The following RMND5A variants were observed in gnomAD, a reference collection of about 807,000 sequenced individuals.
The protein encoded by RMND5A is required for meiotic nuclear division 5 homolog A.
RMND5A carries 17 observed loss-of-function variants against 49.7 expected under a neutral mutation model. The ratio of observed to expected loss-of-function variants is 0.34; its 90% confidence interval spans 0.23 to 0.51. RMND5A has a LOEUF of 0.51. Among genes scored for constraint, RMND5A ranks in the 20% least tolerant of loss-of-function variants. The pLI is 0.96. For synonymous variants in RMND5A, 156 were observed against 167.7 expected, an observed-to-expected ratio of 0.93 and a Z score of 0.54; for missense variants, 255 against 471.3, an observed-to-expected ratio of 0.54 and a Z score of 4.25.
intron 2 of RMND5A, among the ~76,000 whole-genome samples, chr2:86,741,554 ATGAG>A (rs1681448372): frequency 1.3e-5 from 1 of 74,234 alleles, no homozygotes; most frequent in Admixed American, 1.4e-4. Context: ...TTCTGTGTGA[ATGAG>A]TGAGTGAGTT....
At chr2:86,750,967 C>T (rs1375187483) in intron 2 of RMND5A, among the ~76,000 whole-genome samples, 2 of 151,808 alleles carry the variant, frequency 1.3e-5, no homozygotes, top group Non-Finnish European at 2.9e-5. Context: ...TAATAACTGC[C>T]CTAAAGTTTT....
chr2:86,746,227 C>T (rs1432011614), intron 2 of RMND5A, among the ~76,000 whole-genome samples: 3 of 152,194 alleles, frequency 2.0e-5, no homozygotes, highest in African/African-American at 7.2e-5. Flanking sequence ...CTAATCCAGT[C>T]TGCAATTGCA....
chr2:86,720,540 C>T lies in RMND5A; in HGVS notation c.-128C>T. On this transcript the variant is annotated 5_prime_UTR_variant, in exon 1 of 9. Coordinates refer to ENST00000283632, the MANE Select transcript of RMND5A (RefSeq NM_022780.4). ...GGCGCCGCGGCTAGTGCGCCCGCCG[C>T]CTCGGCCGCCTCAGCCTCCCGCGCC... is the stretch of plus-strand genomic sequence containing the variant. The T allele has an allele frequency of 4.5e-6, 3 of 664,698 alleles. No individual in the cohort carries two copies. The highest frequency in any genetic ancestry group is 6.1e-6 in the Non-Finnish European group (3 of 491,324). 41.2% of individuals were successfully genotyped at this position (664,698 alleles called of 1,614,324 possible).
chr2:86,749,698 C>T (rs1342129512), intron 2 of RMND5A, among the ~76,000 whole-genome samples: 1 of 152,086 alleles, frequency 6.6e-6, no homozygotes, highest in South Asian at 2.1e-4. Context: ...CCCGTTATTT[C>T]TATTCTTTAG....
chr2:86,725,255 C>A (rs2104382630), intron 1 of RMND5A, among the ~76,000 whole-genome samples: 1 of 144,728 alleles, frequency 6.9e-6, no homozygotes, highest in Admixed American at 6.9e-5. Context: ...AAAAGATAAC[C>A]CAGTGAATAG....
chr2:86,728,412 C>G lies in RMND5A; in HGVS notation c.142+7603C>G, dbSNP rs1368286678. 1.1e-4 allele frequency among the ~76,000 whole-genome samples: 8 copies of G among 73,520 alleles called. 4 individuals carry two copies. Among genetic ancestry groups the G allele is most frequent in the African/African-American group, 3.1e-4 (6 of 19,396 alleles). 48.2% of individuals were successfully genotyped at this position (73,520 alleles called of 152,430 possible). A position where few individuals can be genotyped will look rare whatever the true frequency, so the allele number is the denominator to read the frequency against. ...CACTGCAACCTCTGCCTCCAGGGTTCAAGCGATTCTTGTGCTCCCAAGTAG... is the reference window on the plus strand; with the variant it reads ...CACTGCAACCTCTGCCTCCAGGGTTGAAGCGATTCTTGTGCTCCCAAGTAG... On this transcript the variant is annotated intron_variant, in intron 1 of 8. Coordinates refer to ENST00000283632, the MANE Select transcript of RMND5A (RefSeq NM_022780.4).
At chr2:86,752,347 A>G (rs562647399) in intron 3 of RMND5A, among the ~76,000 whole-genome samples, 1 of 152,366 alleles carries the variant, frequency 6.6e-6, no homozygotes, top group African/African-American at 2.4e-5. Flanking sequence ...GAAGGTTAGT[A>G]TAGCAGACAA....
At chr2:86,748,588 A>G (rs1681579316) in intron 2 of RMND5A, 1 of 152,222 alleles carries the variant, frequency 6.6e-6, no homozygotes, top group African/African-American at 2.4e-5. Context: ...AAAACTTTGT[A>G]GCAAACCCAA....
intron 4 of RMND5A, among the ~76,000 whole-genome samples, chr2:86,757,578 G>C (rs1681765951): frequency 6.6e-6 from 1 of 152,086 alleles, no homozygotes; most frequent in African/African-American, 2.4e-5. Flanking sequence ...CAACGAGGTG[G>C]GGGAAATATT....
Position 86,771,536 on chromosome 2 carries a change from CTTTT to C in RMND5A, c.958-9_958-6del, listed in dbSNP as rs56328788. On this transcript the variant is annotated intron_variant, in intron 7 of 8. Coordinates refer to ENST00000283632, the MANE Select transcript of RMND5A (RefSeq NM_022780.4). ...GTGAAATATGACTTCAGCTTTTTTA[CTTTT>C]TTTTTTTTTTTTAACAGATTGAAGT... is the stretch of plus-strand genomic sequence containing the variant. 5.6e-5 allele frequency: 80 copies of C among 1,424,690 alleles called. No individual in the cohort carries two copies. The highest frequency in any genetic ancestry group is 1.3e-4 in the South Asian group (10 of 78,104). The allele number at this position is 1,424,690 out of a possible 1,614,324, so 88.3% of individuals were successfully genotyped here.
chr2:86,757,335 A>G (rs1002899061), intron 4 of RMND5A, among the ~76,000 whole-genome samples: 1 of 152,040 alleles, frequency 6.6e-6, no homozygotes, highest in Non-Finnish European at 1.5e-5. Flanking sequence ...GTGCCCTTGT[A>G]CCTCTGAGTT....
chr2:86,775,814 AAG>A lies in RMND5A; in HGVS notation c.*2406_*2407del, dbSNP rs1206362401. On this transcript the variant is annotated 3_prime_UTR_variant, in exon 9 of 9. Transcript: ENST00000283632. ...TAAATGTGAGGGAGAGGTGGATTTA[AAG>A]AGGCCAGACCTTAACCAAAGATGCT... The A allele has an allele frequency of 6.6e-6, 1 of 152,208 alleles. No individual in the cohort carries two copies. Among genetic ancestry groups the A allele is most frequent in the East Asian group, 1.9e-4 (1 of 5,194 alleles). 9.4% of individuals were successfully genotyped at this position (152,208 alleles called of 1,614,324 possible).
chr2:86,760,564 A>T (rs1341717871), intron 4 of RMND5A, among the ~76,000 whole-genome samples: 1 of 152,168 alleles, frequency 6.6e-6, no homozygotes, highest in Non-Finnish European at 1.5e-5. Flanking sequence ...CATGGTCATG[A>T]CCAGTTTTGT....
intron 4 of RMND5A, among the ~76,000 whole-genome samples, chr2:86,763,701 G>A (rs896260633): frequency 3.3e-5 from 5 of 151,992 alleles, no homozygotes; most frequent in South Asian, 2.1e-4. Flanking sequence ...ACTTGAGCCC[G>A]AGAGGCTGAG....
rs1265159441 is a variant in RMND5A, at chr2:86,773,567, G to A, written c.*156G>A. ...CAACCTGTTAGTGTACACACACTGAGGGGAGTGCTCCCGGTGAATATTATC... is the reference window on the plus strand; with the variant it reads ...CAACCTGTTAGTGTACACACACTGAAGGGAGTGCTCCCGGTGAATATTATC... On this transcript the variant is annotated 3_prime_UTR_variant, in exon 9 of 9. Coordinates refer to ENST00000283632, the MANE Select transcript of RMND5A (RefSeq NM_022780.4). 6.0e-6 allele frequency: 3 copies of A among 501,704 alleles called. No homozygotes were observed. The highest frequency in any genetic ancestry group is 1.1e-5 in the Non-Finnish European group (3 of 272,402). 31.1% of individuals were successfully genotyped at this position (501,704 alleles called of 1,614,324 possible). A position where few individuals can be genotyped will look rare whatever the true frequency, so the allele number is the denominator to read the frequency against.
At chr2:86,721,055 G>A (rs1041954589) in intron 1 of RMND5A, 10 of 413,930 alleles carry the variant, frequency 2.4e-5, no homozygotes, top group African/African-American at 1.9e-4. Context: ...GGGAGCGGCG[G>A]GCTCCAGTCC....
chr2:86,765,584 A>G (rs1194867615), intron 5 of RMND5A: 6 of 384,820 alleles, frequency 1.6e-5, no homozygotes, highest in Admixed American at 4.3e-5. Context: ...ATGTGATGAC[A>G]TAATTGTTAC....
At chr2:86,765,556 A>C in intron 5 of RMND5A, 1 of 361,386 alleles carries the variant, frequency 2.8e-6, no homozygotes, top group Non-Finnish European at 5.0e-6. Context: ...GGAAACATTA[A>C]CTCTGCAGTC....
chr2:86,763,280 G>T (rs1672535588), intron 4 of RMND5A, among the ~76,000 whole-genome samples: 1 of 151,926 alleles, frequency 6.6e-6, no homozygotes, highest in African/African-American at 2.4e-5. Flanking sequence ...AAATCTTACT[G>T]CCTTTCCTTA....
Sources: gnomAD v4.1 joint callset for allele counts (sites outside exome capture counted in the v4.1 genomes callset) on GRCh38, gnomAD v4.1.1 for gene constraint, MANE v1.5 for transcripts, NCBI Gene and HGNC (gene_info 2026-07-23, HGNC 2026-07-21) for gene names.